Variants in TSPEAR observed in about 807,000 individuals in gnomAD.
TSPEAR encodes the protein thrombospondin-type laminin G domain and EAR repeat-containing protein.
In TSPEAR, 69 loss-of-function variants were observed where a neutral mutation model predicts 71.6. That is an observed-to-expected ratio of 0.96 (90% CI 0.79 to 1.18). The LOEUF (loss-of-function observed/expected upper bound fraction) is 1.18, where lower values mean the gene tolerates loss of function less well. TSPEAR is among the 50% of genes most tolerant of loss of function. TSPEAR has a pLI of 0.00. For synonymous variants in TSPEAR, 402 were observed against 387.2 expected (o/e 1.04, Z -0.45); for missense variants, 971 against 894.9 (o/e 1.09, Z -1.09).
intron 7 of TSPEAR, among the ~76,000 whole-genome samples, chr21:44,526,650 A>G (rs1360802557): frequency 2.0e-5 from 3 of 152,256 alleles, no homozygotes; most frequent in African/African-American, 7.2e-5. Context: ...TCCTTGGCAC[A>G]TTGTAGGCCA....
At chr21:44,533,643 C>A in intron 3 of TSPEAR, 42 bp downstream of exon 3, 1 of 1,524,256 alleles carries the variant, frequency 6.6e-7, no homozygotes, top group Admixed American at 1.7e-5. Context: ...CCTGGCAGGA[C>A]TCTGAGGACT....
chr21:44,647,113 C>G, intron 1 of TSPEAR: 1 of 1,612,028 alleles, frequency 6.2e-7, no homozygotes, highest in Non-Finnish European at 8.5e-7. Context: ...CTGCCAGCAG[C>G]CTAGCTGCCA....
intron 1 of TSPEAR, among the ~76,000 whole-genome samples, chr21:44,648,670 T>C (rs1601528283): frequency 6.6e-6 from 1 of 152,204 alleles, no homozygotes; most frequent in Admixed American, 6.5e-5. Flanking sequence ...CAAGCCGCTG[T>C]GCAGCCAGCG....
At chr21:44,707,387 G>A (rs1411501921) in intron 1 of TSPEAR, among the ~76,000 whole-genome samples, 2 of 152,206 alleles carry the variant, frequency 1.3e-5, no homozygotes, top group Non-Finnish European at 2.9e-5. Flanking sequence ...CGCAGCTGCG[G>A]GGCGCAGGGA....
chr21:44,609,973 C>T (rs1981551704), intron 1 of TSPEAR, among the ~76,000 whole-genome samples: 1 of 152,004 alleles, frequency 6.6e-6, no homozygotes, highest in Non-Finnish European at 1.5e-5. Context: ...CAAGAAATAA[C>T]AGAGCATGTA....
At chr21:44,548,293 A>G (rs2053334952) in intron 2 of TSPEAR, among the ~76,000 whole-genome samples, 1 of 152,060 alleles carries the variant, frequency 6.6e-6, no homozygotes. Context: ...CCAGCTGGGG[A>G]GTGGGGGATG....
intron 1 of TSPEAR, among the ~76,000 whole-genome samples, chr21:44,644,536 A>G (rs1310055240): frequency 1.3e-5 from 2 of 152,240 alleles, no homozygotes; most frequent in African/African-American, 4.8e-5. Context: ...AGAAAAGAGA[A>G]GCAGACAGAA....
At chr21:44,617,770 T>A (rs981717546) in intron 1 of TSPEAR, among the ~76,000 whole-genome samples, 1 of 152,274 alleles carries the variant, frequency 6.6e-6, no homozygotes, top group African/African-American at 2.4e-5. Flanking sequence ...CTGCACTTGA[T>A]GTCTGCAACA....
chr21:44,674,445 G>A (rs868965760), intron 1 of TSPEAR, among the ~76,000 whole-genome samples: 7 of 152,038 alleles, frequency 4.6e-5, no homozygotes, highest in African/African-American at 1.2e-4. Flanking sequence ...GGCTGGGCAC[G>A]GTGACTCATG....
intron 1 of TSPEAR, among the ~76,000 whole-genome samples, chr21:44,706,205 A>C (rs1369450548): frequency 6.6e-6 from 1 of 152,206 alleles, no homozygotes; most frequent in Non-Finnish European, 1.5e-5. Context: ...CCCTGCTGCA[A>C]CACCAGGCTC....
chr21:44,580,269 A>G, intron 1 of TSPEAR: 1 of 1,613,248 alleles, frequency 6.2e-7, no homozygotes, highest in Non-Finnish European at 8.5e-7. Flanking sequence ...GAATCCTTAG[A>G]GCAGGTGGGC....
At chr21:44,530,097 G>T (rs1246814218) in intron 4 of TSPEAR, 143 bp from the exon 5 acceptor site, 1 of 840,764 alleles carries the variant, frequency 1.2e-6, no homozygotes. Context: ...TAACTGGGAA[G>T]AGTTTACATG....
chr21:44,700,338 C>T (rs1233556286), intron 1 of TSPEAR, among the ~76,000 whole-genome samples: 3 of 152,134 alleles, frequency 2.0e-5, no homozygotes, highest in African/African-American at 4.8e-5. Context: ...GAGAGCCGTT[C>T]CTCTGTCCTT....
intron 5 of TSPEAR, 104 bp from the exon 6 acceptor site, chr21:44,528,687 G>C: frequency 6.9e-7 from 1 of 1,458,338 alleles, no homozygotes; most frequent in Non-Finnish European, 9.2e-7. Context: ...CTCAGCCTCT[G>C]CATGCGGGCC....
At chr21:44,676,060 G>A in intron 1 of TSPEAR, 1 of 870,540 alleles carries the variant, frequency 1.1e-6, no homozygotes, top group East Asian at 2.4e-5. Flanking sequence ...CAATGCAATA[G>A]GAGGCATATG....
At chr21:44,604,656 G>T (rs73907048) in intron 1 of TSPEAR, among the ~76,000 whole-genome samples, 1 of 152,304 alleles carries the variant, frequency 6.6e-6, no homozygotes, top group East Asian at 1.9e-4. Context: ...GGGCATCCTT[G>T]CCTTGTTTTT....
intron 1 of TSPEAR, among the ~76,000 whole-genome samples, chr21:44,674,736 GT>G (rs1986224336): frequency 6.1e-5 from 1 of 16,440 alleles, no homozygotes; most frequent in African/African-American, 7.7e-4. Context: ...TTTAAAGTGT[GT>G]GTGTGTGTGT....
At chr21:44,638,654 G>A (rs1983827279) in intron 1 of TSPEAR, among the ~76,000 whole-genome samples, 1 of 151,674 alleles carries the variant, frequency 6.6e-6, no homozygotes, top group Non-Finnish European at 1.5e-5. Context: ...TGGCCTCTGT[G>A]AACCCTGAAG....
intron 1 of TSPEAR, among the ~76,000 whole-genome samples, chr21:44,665,678 CTA>C (rs1985713385): frequency 6.6e-6 from 1 of 152,166 alleles, no homozygotes; most frequent in Admixed American, 6.6e-5. Context: ...GTTCTCATTT[CTA>C]TGTCAGGCAG....
Sources: gnomAD v4.1 joint callset for allele counts (sites outside exome capture counted in the v4.1 genomes callset) on GRCh38, gnomAD v4.1.1 for gene constraint, MANE v1.5 for transcripts, NCBI Gene and HGNC (gene_info 2026-07-23, HGNC 2026-07-21) for gene names.